ZMAT1: variants seen among roughly 807,000 people sequenced by gnomAD.
ZMAT1 encodes zinc finger matrin-type protein 1.
A neutral mutation model predicts 18.5 loss-of-function variants in ZMAT1; 11 were observed. The ratio of observed to expected loss-of-function variants is 0.59; its 90% CI spans 0.37 to 0.98. ZMAT1 has a LOEUF of 0.98. Ranked by LOEUF, ZMAT1 falls within the 50% of genes least tolerant of loss-of-function variation. The probability of loss-of-function intolerance (pLI) is 0.01; values close to 1 mark genes in which losing one functional copy is unlikely to be tolerated. For synonymous variants in ZMAT1, 211 were observed against 176.4 expected, an observed-to-expected ratio of 1.20 and a Z score of -1.55; for missense variants, 525 against 496.2, an observed-to-expected ratio of 1.06 and a Z score of -0.55.
At chrX:101,915,441 G>A in intron 1 of ZMAT1, 1 of 111,307 alleles carries the variant, frequency 9.0e-6, no homozygotes, top group South Asian at 3.8e-4. Context: ...TTATACTTGG[G>A]AAAACCTATA....
chrX:101,900,175 G>C (rs192998598), intron 2 of ZMAT1, among the ~76,000 whole-genome samples: 1 of 111,608 alleles, frequency 9.0e-6, no homozygotes, highest in Non-Finnish European at 1.9e-5. Context: ...TGATTTGTTT[G>C]AGTTTGTTGT....
intron 1 of ZMAT1, among the ~76,000 whole-genome samples, chrX:101,919,269 C>T (rs1276994296): frequency 1.8e-5 from 2 of 111,307 alleles, no homozygotes; most frequent in South Asian, 3.7e-4. Context: ...TAAGAAAGAA[C>T]AAACATTTAA....
chrX:101,903,453 A>C (rs1928393226), intron 2 of ZMAT1, among the ~76,000 whole-genome samples: 1 of 111,821 alleles, frequency 8.9e-6, no homozygotes, highest in Non-Finnish European at 1.9e-5. Flanking sequence ...ATTACCAATA[A>C]GATTAGCAAT....
chrX:101,914,172 C>T (rs1929146873), intron 1 of ZMAT1, among the ~76,000 whole-genome samples: 1 of 110,324 alleles, frequency 9.1e-6, no homozygotes, highest in East Asian at 2.8e-4. Context: ...CATGCCAAAA[C>T]CTATGGAATA....
chrX:101,906,294 G>A lies in ZMAT1; in HGVS notation c.293-1964C>T, dbSNP rs180869029. Among the ~76,000 whole-genome samples the A allele has an allele frequency of 6.3e-5, 7 of 111,526 alleles. No homozygotes were observed. In the East Asian group the frequency reaches 2.0e-3, roughly 32 times the overall value. On this transcript the variant is annotated intron_variant, in intron 1 of 5. Coordinates refer to ENST00000651725, the MANE Select transcript of ZMAT1 (RefSeq NM_001394560.1). Reference sequence around the variant, plus strand: ...CCAACCTCAGCAGTACCATGTCCTCGACCATCTCCAGCATTGGACTAGCTC... The same window carrying A: ...CCAACCTCAGCAGTACCATGTCCTCAACCATCTCCAGCATTGGACTAGCTC...
rs757976183 is a variant in ZMAT1 at position 101,893,917 on chromosome X, G to A, written c.676+3951C>T. Among the ~76,000 whole-genome samples the A allele has an allele frequency of 2.7e-5, 3 of 111,516 alleles. No homozygotes were observed. The East Asian group carries it at 8.5e-4, about 32-fold the overall frequency. On this transcript the variant is annotated intron_variant, in intron 4 of 5. Coordinates refer to ENST00000651725, the MANE Select transcript of ZMAT1 (RefSeq NM_001394560.1). ...TGACCCACATAGATCATGCCAGGAA[G>A]TAGCAGGGGATAAGCCTGGAGAAGG...
chrX:101,912,007 G>C, intron 1 of ZMAT1: 3 of 1,188,271 alleles, frequency 2.5e-6, no homozygotes, highest in Admixed American at 2.2e-5. Context: ...ATGTGTGCAG[G>C]GACTGTGGAA....
intron 1 of ZMAT1, among the ~76,000 whole-genome samples, chrX:101,906,383 C>CA (rs1928623578): frequency 8.9e-6 from 1 of 112,123 alleles, no homozygotes; most frequent in Non-Finnish European, 1.9e-5. Flanking sequence ...CAGCCCTAGT[C>CA]ATAAGGCTGG....
In ZMAT1 at chrX:101,886,632, T is replaced by C. The variant is rs760021752; in HGVS notation, c.776A>G (p.Lys259Arg). 12 of 1,192,615 alleles carry C rather than the reference T, an allele frequency of 1.0e-5. No individual in the cohort carries two copies. The highest frequency in any genetic ancestry group is 1.2e-5 in the Non-Finnish European group (11 of 885,521). ...SHMQGSEHQI[K>R]ESIVINLVKN... ...GGAAAATTTTGGCAAAAATACTTAC[T>C]TAATTTGATGTTCACTTCCTTGCAT... Residue 259 changes from lysine (K) to arginine (R), a missense_variant and splice_region_variant, in exon 5 of 6, where the codon AAA becomes AGA. By Grantham distance (26) the Lys-to-Arg change is conservative. Transcript: ENST00000651725.
At chrX:101,898,913 TG>T (rs1350332193) in intron 2 of ZMAT1, among the ~76,000 whole-genome samples, 1 of 111,100 alleles carries the variant, frequency 9.0e-6, no homozygotes, top group African/African-American at 3.3e-5. Flanking sequence ...CTGGGCGTGG[TG>T]GTGTGCGCCT....
At chrX:101,910,809 T>C (rs747700742) in intron 1 of ZMAT1, among the ~76,000 whole-genome samples, 1 of 111,647 alleles carries the variant, frequency 9.0e-6, no homozygotes, top group African/African-American at 3.3e-5. Flanking sequence ...GGCAAATCTA[T>C]GAGTTGTTGG....
chrX:101,896,426 G>GT (rs1276107397), intron 4 of ZMAT1, among the ~76,000 whole-genome samples: 3 of 111,770 alleles, frequency 2.7e-5, no homozygotes, highest in Admixed American at 9.5e-5. Flanking sequence ...TTTATAAGAT[G>GT]TTTTTTCTTT....
intron 1 of ZMAT1, among the ~76,000 whole-genome samples, chrX:101,925,302 C>T (rs1387133465): frequency 8.9e-6 from 1 of 112,283 alleles, no homozygotes; most frequent in Non-Finnish European, 1.9e-5. Flanking sequence ...GTGGCTTCAG[C>T]ATTTGGTGGG....
chrX:101,902,018 G>C (rs917364851), intron 2 of ZMAT1, among the ~76,000 whole-genome samples: 1 of 112,046 alleles, frequency 8.9e-6, no homozygotes, highest in Non-Finnish European at 1.9e-5. Flanking sequence ...TAGATACCTA[G>C]AAGTGGAATT....
intron 1 of ZMAT1, among the ~76,000 whole-genome samples, chrX:101,921,316 T>G (rs896981325): frequency 3.7e-4 from 41 of 112,260 alleles, no homozygotes; most frequent in Admixed American, 1.2e-3. Context: ...CTTAAAGCTT[T>G]CCAGGTGATA....
rs1490558937 is a variant in ZMAT1, at chrX:101,882,482, A to G, written c.*1028T>C. 8.9e-6 allele frequency: 1 copy of G among 111,965 alleles called. No homozygotes were observed. The highest frequency in any genetic ancestry group is 9.5e-5 in the Admixed American group (1 of 10,494). The allele number at this position is 111,965 out of a possible 1,213,427, so 9.2% of individuals were successfully genotyped here. On this transcript the variant is annotated 3_prime_UTR_variant, in exon 6 of 6. Transcript: ENST00000651725. ...AACAAAGAAAAAATCAGTTTAAGTT[A>G]TTTCATACATATTCCTTGGAGAAAG...
At chrX:101,931,011 G>C (rs1930444302) in intron 1 of ZMAT1, among the ~76,000 whole-genome samples, 1 of 111,621 alleles carries the variant, frequency 9.0e-6, no homozygotes, top group South Asian at 3.7e-4. Context: ...TCCTCAAATA[G>C]CCAAAGAAAA....
chrX:101,921,346 CCTT>C (rs1308544430), intron 1 of ZMAT1, among the ~76,000 whole-genome samples: 1 of 112,098 alleles, frequency 8.9e-6, no homozygotes, highest in Non-Finnish European at 1.9e-5. Flanking sequence ...TAAGTATAAA[CCTT>C]CTTCTAAAAT....
At position 101,928,123 on chromosome X, in the gene ZMAT1, A is replaced by G. The variant is rs151317683; in HGVS notation, c.292+3594T>C. Among the ~76,000 whole-genome samples the G allele has an allele frequency of 4.1e-3, 463 of 112,359 alleles. 1 individual carries two copies. The highest frequency in any genetic ancestry group is 6.6e-3 in the Non-Finnish European group (352 of 53,242). On this transcript the variant is annotated intron_variant, in intron 1 of 5. Coordinates refer to ENST00000651725, the MANE Select transcript of ZMAT1 (RefSeq NM_001394560.1). ...ACAGAGTACAGATTTATAATAAACA[A>G]TGGAATGGTCCTGTGGCTCAGGATT...
Sources: allele counts gnomAD v4.1 joint callset (sites outside exome capture counted in the v4.1 genomes callset), GRCh38; gene constraint gnomAD v4.1.1; transcripts MANE v1.5; gene names NCBI Gene and HGNC (gene_info 2026-07-23, HGNC 2026-07-21).